TAFA2: variants seen among roughly 807,000 people sequenced by gnomAD.
TAFA2 encodes the protein TAFA chemokine like family member 2.
TAFA2 carries 7 observed loss-of-function variants against 18.8 expected under a neutral mutation model. The observed-to-expected ratio is 0.37, with a 90% CI of 0.21 to 0.70. The LOEUF (loss-of-function observed/expected upper bound fraction) is 0.70, where lower values mean the gene tolerates loss of function less well. Ranked by LOEUF, TAFA2 falls within the 30% of genes least tolerant of loss-of-function variation. The probability of loss-of-function intolerance (pLI) is 0.53; values close to 1 mark genes in which losing one functional copy is unlikely to be tolerated. For synonymous variants in TAFA2, 60 were observed against 54.2 expected (o/e 1.11, Z -0.47); for missense variants, 122 against 158.1 (o/e 0.77, Z 1.23).
chr12:61,826,554 T>A (rs1872543291), intron 2 of TAFA2, among the ~76,000 whole-genome samples: 1 of 152,188 alleles, frequency 6.6e-6, no homozygotes, highest in South Asian at 2.1e-4. Context: ...AAAGTGTTAA[T>A]ACCACCACAA....
At chr12:61,733,754 T>G (rs1330872168) in intron 4 of TAFA2, among the ~76,000 whole-genome samples, 4 of 151,862 alleles carry the variant, frequency 2.6e-5, no homozygotes, top group African/African-American at 4.8e-5. Context: ...TTGGCGATGC[T>G]GGCTCTTTTT....
intron 1 of TAFA2, among the ~76,000 whole-genome samples, chr12:61,957,645 A>G (rs1878743232): frequency 6.6e-6 from 1 of 152,094 alleles, no homozygotes; most frequent in South Asian, 2.1e-4. Flanking sequence ...GGCCCATTAG[A>G]GAAGACGTTC....
At chr12:61,902,023 A>C (rs1263463196) in intron 1 of TAFA2, among the ~76,000 whole-genome samples, 1 of 150,146 alleles carries the variant, frequency 6.7e-6, no homozygotes, top group African/African-American at 2.5e-5. Context: ...TACCACTTCC[A>C]TCTCTGAACC....
At chr12:62,107,039 A>G (rs1413648266) in intron 1 of TAFA2, among the ~76,000 whole-genome samples, 1 of 152,196 alleles carries the variant, frequency 6.6e-6, no homozygotes, top group Non-Finnish European at 1.5e-5. Flanking sequence ...TTCCTCACGC[A>G]GAGTTTTGAT....
chr12:61,975,673 C>T (rs889506059), intron 1 of TAFA2, among the ~76,000 whole-genome samples: 1 of 151,668 alleles, frequency 6.6e-6, no homozygotes, highest in African/African-American at 2.4e-5. Flanking sequence ...GAGGTAGGTG[C>T]AATTCTACTT....
At chr12:62,077,277 A>T (rs998777076) in intron 1 of TAFA2, among the ~76,000 whole-genome samples, 1 of 152,212 alleles carries the variant, frequency 6.6e-6, no homozygotes, top group African/African-American at 2.4e-5. Context: ...TTTAATGAGG[A>T]TGCTTTTATT....
intron 2 of TAFA2, among the ~76,000 whole-genome samples, chr12:61,764,230 T>TAGATAGATAGATA (rs1555163229): frequency 0.041 from 6,177 of 150,092 alleles, 156 homozygotes; most frequent in Middle Eastern, 0.078. Flanking sequence ...GATGATTGAT[T>TAGATAGATAGATA]GATAGATAGA....
chr12:62,115,859 C>G (rs900676985), intron 1 of TAFA2, among the ~76,000 whole-genome samples: 1 of 152,178 alleles, frequency 6.6e-6, no homozygotes, highest in Non-Finnish European at 1.5e-5. Context: ...TCCACATTAG[C>G]CCCATTACGT....
chr12:62,147,664 A>T (rs2062295466), intron 1 of TAFA2, among the ~76,000 whole-genome samples: 1 of 141,014 alleles, frequency 7.1e-6, no homozygotes, highest in Non-Finnish European at 1.5e-5. Context: ...CGGGAGGCGG[A>T]GCTTGCAGTG....
intron 1 of TAFA2, among the ~76,000 whole-genome samples, chr12:62,014,827 A>G (rs1880878182): frequency 6.6e-6 from 1 of 152,126 alleles, no homozygotes; most frequent in Non-Finnish European, 1.5e-5. Context: ...CAGATTTGGA[A>G]ACCACCCTGC....
At chr12:62,064,582 T>C (rs961269704) in intron 1 of TAFA2, among the ~76,000 whole-genome samples, 2 of 152,088 alleles carry the variant, frequency 1.3e-5, no homozygotes, top group Non-Finnish European at 1.5e-5. Context: ...TCCAGAACCA[T>C]ACCACTTGGT....
At chr12:61,760,093 A>G (rs1212386915) in intron 2 of TAFA2, among the ~76,000 whole-genome samples, 1 of 73,576 alleles carries the variant, frequency 1.4e-5, no homozygotes, top group Non-Finnish European at 2.8e-5. Flanking sequence ...TTTTTTTTTC[A>G]CTGCCTATGA....
At chr12:61,984,879 C>T (rs1417586558) in intron 1 of TAFA2, among the ~76,000 whole-genome samples, 2 of 152,078 alleles carry the variant, frequency 1.3e-5, no homozygotes, top group Non-Finnish European at 1.5e-5. Flanking sequence ...GTTCTATTTG[C>T]AAACAAGTTA....
intron 1 of TAFA2, among the ~76,000 whole-genome samples, chr12:61,920,781 T>C (rs959409114): frequency 5.3e-5 from 8 of 151,904 alleles, no homozygotes; most frequent in African/African-American, 1.9e-4. Context: ...CTACATACAA[T>C]GTACAATTTT....
intron 1 of TAFA2, among the ~76,000 whole-genome samples, chr12:62,181,125 G>T (rs747878114): frequency 1.6e-4 from 24 of 152,094 alleles, no homozygotes; most frequent in Non-Finnish European, 2.9e-4. Context: ...TTCGGGTGTA[G>T]GTCAGAAAAA....
chr12:62,241,068 T>C (rs1307986441), intron 1 of TAFA2, among the ~76,000 whole-genome samples: 2 of 152,170 alleles, frequency 1.3e-5, no homozygotes, highest in Non-Finnish European at 2.9e-5. Context: ...CTGTCTACTT[T>C]TGCAACATGT....
intron 1 of TAFA2, chr12:61,879,366 C>T (rs575430340): frequency 5.4e-6 from 4 of 740,370 alleles, no homozygotes; most frequent in Admixed American, 2.2e-5. Flanking sequence ...CACCTCTGGC[C>T]CCCGGGCCTT....
At chr12:61,961,027 T>C (rs970545231) in intron 1 of TAFA2, among the ~76,000 whole-genome samples, 4 of 151,928 alleles carry the variant, frequency 2.6e-5, no homozygotes, top group Non-Finnish European at 4.4e-5. Context: ...ATGTGCCTAC[T>C]TCCCCATTAC....
chr12:62,025,086 C>A (rs923427970), intron 1 of TAFA2, among the ~76,000 whole-genome samples: 1 of 152,238 alleles, frequency 6.6e-6, no homozygotes, highest in African/African-American at 2.4e-5. Flanking sequence ...TTCAACCCAG[C>A]AATCCTAATT....
Sources: allele counts gnomAD v4.1 joint callset (sites outside exome capture counted in the v4.1 genomes callset), GRCh38; gene constraint gnomAD v4.1.1; transcripts MANE v1.5; gene names NCBI Gene and HGNC (gene_info 2026-07-23, HGNC 2026-07-21).